C8orf34: variants seen among roughly 807,000 people sequenced by gnomAD.
C8orf34 encodes chromosome 8 open reading frame 34, also known as uncharacterized protein C8orf34.
In C8orf34, 65 loss-of-function variants were observed where a neutral mutation model predicts 68.3. The observed-to-expected ratio is 0.95, with a 90% CI of 0.78 to 1.17. The LOEUF is 1.17. Among genes scored for constraint, C8orf34 ranks in the 50% most tolerant of loss-of-function variants. The pLI is 0.00. For synonymous variants in C8orf34, 244 were observed against 241.2 expected (o/e 1.01, Z -0.11); for missense variants, 664 against 655.4 (o/e 1.01, Z -0.14).
chr8:68,456,539 C>T (rs1304145637), intron 3 of C8orf34, among the ~76,000 whole-genome samples: 1 of 152,138 alleles, frequency 6.6e-6, no homozygotes. Flanking sequence ...AAAATGTATT[C>T]TAGCCCTTAT....
At chr8:68,481,843 T>C (rs975118774) in intron 4 of C8orf34, among the ~76,000 whole-genome samples, 18 of 152,218 alleles carry the variant, frequency 1.2e-4, no homozygotes, top group African/African-American at 4.1e-4. Context: ...CAGGCTCATA[T>C]GTAGAAGGGA....
At chr8:68,632,060 G>T (rs1393836650) in intron 7 of C8orf34, among the ~76,000 whole-genome samples, 1 of 152,190 alleles carries the variant, frequency 6.6e-6, no homozygotes. Context: ...GAACAGTTTG[G>T]AGGGCTCAGA....
chr8:68,641,190 A>T (rs1227344277), intron 8 of C8orf34, among the ~76,000 whole-genome samples: 1 of 152,216 alleles, frequency 6.6e-6, no homozygotes, highest in Non-Finnish European at 1.5e-5. Context: ...TAGCAAGAAC[A>T]ATGTACTGGC....
chr8:68,730,958 A>G (rs904663460), intron 10 of C8orf34, among the ~76,000 whole-genome samples: 6 of 152,146 alleles, frequency 3.9e-5, no homozygotes, highest in Non-Finnish European at 7.4e-5. Flanking sequence ...TACTAAAGTG[A>G]TTGTCACCTC....
chr8:68,480,736 G>A (rs1812823657), intron 4 of C8orf34, among the ~76,000 whole-genome samples: 1 of 152,194 alleles, frequency 6.6e-6, no homozygotes, highest in Non-Finnish European at 1.5e-5. Context: ...CTGCCCTAGA[G>A]ATTTGTGGAA....
intron 7 of C8orf34, chr8:68,535,301 A>G: frequency 2.0e-6 from 2 of 981,730 alleles, no homozygotes; most frequent in Non-Finnish European, 2.4e-6. Flanking sequence ...TTGAATCTAC[A>G]TTTTGTAGAT....
chr8:68,452,399 T>A (rs1811382599), intron 3 of C8orf34, among the ~76,000 whole-genome samples: 1 of 151,726 alleles, frequency 6.6e-6, no homozygotes, highest in South Asian at 2.1e-4. Flanking sequence ...CTTCATGTAT[T>A]TACCAAATCT....
chr8:68,628,053 T>C (rs1818587846), intron 7 of C8orf34, among the ~76,000 whole-genome samples: 1 of 152,218 alleles, frequency 6.6e-6, no homozygotes, highest in Non-Finnish European at 1.5e-5. Context: ...TGATCTCATG[T>C]GGTCAAGAAG....
chr8:68,673,367 T>A (rs1189431658), intron 8 of C8orf34, among the ~76,000 whole-genome samples: 1 of 152,040 alleles, frequency 6.6e-6, no homozygotes, highest in Non-Finnish European at 1.5e-5. Flanking sequence ...TGCTCTTGGA[T>A]GGCATTTCTG....
intron 7 of C8orf34, among the ~76,000 whole-genome samples, chr8:68,558,550 A>T (rs1816323692): frequency 1.3e-5 from 2 of 152,022 alleles, no homozygotes; most frequent in Admixed American, 6.6e-5. Flanking sequence ...TATAATTGTT[A>T]GTAATATGCT....
chr8:68,582,375 T>A (rs542281100), intron 7 of C8orf34, among the ~76,000 whole-genome samples: 34 of 152,240 alleles, frequency 2.2e-4, no homozygotes, highest in African/African-American at 8.2e-4. Flanking sequence ...AGTCTTATAA[T>A]CTACTATAGG....
intron 8 of C8orf34, among the ~76,000 whole-genome samples, chr8:68,706,684 TGAG>T (rs1821176362): frequency 6.6e-6 from 1 of 152,094 alleles, no homozygotes; most frequent in Non-Finnish European, 1.5e-5. Context: ...TCTCCAAATG[TGAG>T]GAGGTCAAGG....
chr8:68,594,540 TC>T (rs1342749887), intron 7 of C8orf34, among the ~76,000 whole-genome samples: 1 of 152,140 alleles, frequency 6.6e-6, no homozygotes, highest in Non-Finnish European at 1.5e-5. Flanking sequence ...GATGATCCCA[TC>T]ACCCAGGTAG....
chr8:68,791,988 A>T (rs1824007476), intron 12 of C8orf34: 1 of 152,228 alleles, frequency 6.6e-6, no homozygotes, highest in Non-Finnish European at 1.5e-5. Flanking sequence ...GTTCAAACTT[A>T]AACTATCTGT....
At chr8:68,766,916 G>C (rs1472156920) in intron 10 of C8orf34, among the ~76,000 whole-genome samples, 1 of 152,210 alleles carries the variant, frequency 6.6e-6, no homozygotes, top group Non-Finnish European at 1.5e-5. Context: ...GGGCACAGTG[G>C]CTCATGTCTG....
chr8:68,461,210 A>G (rs1811806384), intron 3 of C8orf34, among the ~76,000 whole-genome samples: 1 of 152,262 alleles, frequency 6.6e-6, no homozygotes, highest in Admixed American at 6.5e-5. Context: ...GACGAAATGA[A>G]TGAAATGAAG....
At chr8:68,456,016 C>A (rs1193403576) in intron 3 of C8orf34, among the ~76,000 whole-genome samples, 4 of 149,478 alleles carry the variant, frequency 2.7e-5, no homozygotes, top group African/African-American at 9.9e-5. Flanking sequence ...GAGGTGGAGG[C>A]AGGTGGATCA....
chr8:68,377,194 C>G (rs1426890109), intron 1 of C8orf34, among the ~76,000 whole-genome samples: 2 of 151,960 alleles, frequency 1.3e-5, no homozygotes, highest in South Asian at 2.1e-4. Flanking sequence ...GAGTTCAAGA[C>G]TAGCCTGGGC....
chr8:68,753,480 T>C (rs1406876716), intron 10 of C8orf34, among the ~76,000 whole-genome samples: 1 of 152,078 alleles, frequency 6.6e-6, no homozygotes, highest in East Asian at 1.9e-4. Flanking sequence ...ATAATGTCAG[T>C]TTAGAGATAG....
Sources: allele counts gnomAD v4.1 joint callset (sites outside exome capture counted in the v4.1 genomes callset), GRCh38; gene constraint gnomAD v4.1.1; transcripts MANE v1.5; gene names NCBI Gene and HGNC (gene_info 2026-07-23, HGNC 2026-07-21).